FSTL5: variants seen among roughly 807,000 people sequenced by gnomAD.
FSTL5 encodes follistatin like 5.
In FSTL5, 62 loss-of-function variants were observed where a neutral mutation model predicts 89.1. The observed-to-expected ratio is 0.70, with a 90% CI of 0.57 to 0.86. The LOEUF (loss-of-function observed/expected upper bound fraction) is 0.86. Ranked by LOEUF, FSTL5 falls within the 40% of genes least tolerant of loss-of-function variation. The probability of loss-of-function intolerance (pLI) is 0.00; values close to 1 mark genes in which losing one functional copy is unlikely to be tolerated. For missense variants in FSTL5, 1,057 were observed against 1,001.6 expected, an observed-to-expected ratio of 1.06 and a Z score of -0.75; for synonymous variants, 383 against 346.2, an observed-to-expected ratio of 1.11 and a Z score of -1.18.
intron 15 of FSTL5, among the ~76,000 whole-genome samples, chr4:161,418,931 C>T (rs895769566): frequency 6.6e-6 from 1 of 152,208 alleles, no homozygotes; most frequent in African/African-American, 2.4e-5. Flanking sequence ...TGTTTTTAAG[C>T]TCCTTGAGAT....
chr4:161,829,992 T>C (rs543812427), intron 4 of FSTL5, among the ~76,000 whole-genome samples: 1 of 152,176 alleles, frequency 6.6e-6, no homozygotes, highest in South Asian at 2.1e-4. Context: ...TATACTAGAA[T>C]GCAAAGATCC....
At chr4:161,771,352 T>G (rs1349658922) in intron 5 of FSTL5, among the ~76,000 whole-genome samples, 1 of 152,134 alleles carries the variant, frequency 6.6e-6, no homozygotes, top group Non-Finnish European at 1.5e-5. Flanking sequence ...TTGCATGTTC[T>G]AAATAATAAC....
intron 12 of FSTL5, among the ~76,000 whole-genome samples, chr4:161,483,302 G>A (rs748791991): frequency 2.6e-5 from 4 of 152,236 alleles, no homozygotes; most frequent in Non-Finnish European, 5.9e-5. Flanking sequence ...TAAGGTTGGT[G>A]AAAGGCTCTG....
At chr4:161,922,358 A>C (rs1452811541) in intron 3 of FSTL5, among the ~76,000 whole-genome samples, 1 of 152,064 alleles carries the variant, frequency 6.6e-6, no homozygotes, top group Non-Finnish European at 1.5e-5. Flanking sequence ...CTGTATAATA[A>C]ACTCTCATGA....
At chr4:161,822,040 C>G (rs1408912175) in intron 4 of FSTL5, among the ~76,000 whole-genome samples, 1 of 152,136 alleles carries the variant, frequency 6.6e-6, no homozygotes, top group Admixed American at 6.5e-5. Flanking sequence ...TACTAGTTTA[C>G]ATTCCCACCA....
At chr4:161,628,554 G>A (rs531006905) in intron 7 of FSTL5, among the ~76,000 whole-genome samples, 2 of 152,158 alleles carry the variant, frequency 1.3e-5, no homozygotes, top group Non-Finnish European at 2.9e-5. Context: ...ATTAACCAAG[G>A]ATGAATGATA....
rs529050026 is a variant in FSTL5, at chr4:161,897,030, G to A, written c.409+23374C>T. On this transcript the variant is annotated intron_variant, in intron 4 of 15. Coordinates refer to ENST00000306100, the MANE Select transcript of FSTL5 (RefSeq NM_020116.5). ...TCACTGCAACCTCCGCCTCCTGGGC[G>A]GAGAATCAAGTGATTCTCCTGTCTC... Among the ~76,000 whole-genome samples, 58 of 151,910 alleles carry A rather than the reference G, an allele frequency of 3.8e-4. No individual in the cohort carries two copies. In the South Asian group the frequency reaches 0.011, roughly 28 times the overall value.
intron 7 of FSTL5, among the ~76,000 whole-genome samples, chr4:161,627,539 A>C (rs1050760272): frequency 6.6e-6 from 1 of 152,162 alleles, no homozygotes; most frequent in African/African-American, 2.4e-5. Context: ...CCAAACCTTC[A>C]AGATCTCCGA....
chr4:161,526,305 A>G (rs930566099), intron 10 of FSTL5, among the ~76,000 whole-genome samples: 2 of 152,210 alleles, frequency 1.3e-5, no homozygotes, highest in Admixed American at 1.3e-4. Flanking sequence ...ATAAAAGTAG[A>G]AATATTTTAT....
At chr4:161,897,596 A>AG (rs1733207897) in intron 4 of FSTL5, among the ~76,000 whole-genome samples, 1 of 146,866 alleles carries the variant, frequency 6.8e-6, no homozygotes, top group Admixed American at 6.8e-5. Context: ...AAAAAAAAAG[A>AG]AAAAAAATAT....
Position 161,534,899 on chromosome 4 carries a change from A to T in FSTL5, c.1312+3267T>A, listed in dbSNP as rs571996214. On this transcript the variant is annotated intron_variant, in intron 10 of 15. Coordinates refer to ENST00000306100, the MANE Select transcript of FSTL5 (RefSeq NM_020116.5). ...CACATAGAGCAATGGAATGAAACAGACACCCCAGAAATAAACTCATACACT... is the reference window on the plus strand; with the variant it reads ...CACATAGAGCAATGGAATGAAACAGTCACCCCAGAAATAAACTCATACACT... Among the ~76,000 whole-genome samples, 75 of 152,266 alleles carry T rather than the reference A, an allele frequency of 4.9e-4. 2 individuals carry two copies. The South Asian group carries it at 0.015, about 31-fold the overall frequency.
At chr4:161,470,603 T>G (rs1385609875) in intron 13 of FSTL5, among the ~76,000 whole-genome samples, 1 of 150,222 alleles carries the variant, frequency 6.7e-6, no homozygotes, top group Non-Finnish European at 1.5e-5. Context: ...AATTTTAAGA[T>G]GAGCTTCTCT....
At chr4:161,649,029 T>C (rs564243724) in intron 7 of FSTL5, among the ~76,000 whole-genome samples, 1 of 152,250 alleles carries the variant, frequency 6.6e-6, no homozygotes, top group South Asian at 2.1e-4. Flanking sequence ...ACAGGTAAAA[T>C]ATAGCTACTA....
intron 3 of FSTL5, among the ~76,000 whole-genome samples, chr4:161,967,572 G>T (rs187552243): frequency 6.8e-4 from 104 of 151,928 alleles, no homozygotes; most frequent in African/African-American, 2.5e-3. Flanking sequence ...TTTGTAAGTT[G>T]TTGATTTGTT....
intron 8 of FSTL5, among the ~76,000 whole-genome samples, chr4:161,569,986 G>A (rs1006528993): frequency 2.0e-5 from 3 of 152,128 alleles, no homozygotes; most frequent in African/African-American, 7.2e-5. Context: ...AGAACCAGGA[G>A]CTAATGAGAA....
chr4:161,644,122 G>C (rs1043642066), intron 7 of FSTL5, among the ~76,000 whole-genome samples: 9 of 152,076 alleles, frequency 5.9e-5, no homozygotes, highest in African/African-American at 2.2e-4. Flanking sequence ...AAAAGAGTAA[G>C]TTCAGGCACA....
intron 13 of FSTL5, among the ~76,000 whole-genome samples, 154 bp from the exon 14 acceptor site, chr4:161,459,473 ATCATACTT>A (rs1733484904): frequency 2.0e-5 from 3 of 152,180 alleles, no homozygotes; most frequent in African/African-American, 7.2e-5. Flanking sequence ...ATTTGAAAAT[ATCATACTT>A]TACTCATGTA....
chr4:161,514,223 T>G (rs1429304122), intron 10 of FSTL5, among the ~76,000 whole-genome samples: 1 of 150,550 alleles, frequency 6.6e-6, no homozygotes, highest in Admixed American at 6.6e-5. Context: ...ATAAATAAAG[T>G]ATTACACACA....
intron 6 of FSTL5, among the ~76,000 whole-genome samples, chr4:161,755,738 T>C (rs1242618458): frequency 6.6e-6 from 1 of 152,116 alleles, no homozygotes; most frequent in African/African-American, 2.4e-5. Context: ...CCTATCTTTG[T>C]AAGTAGCTTT....
Sources: gnomAD v4.1 joint callset for allele counts (sites outside exome capture counted in the v4.1 genomes callset) on GRCh38, gnomAD v4.1.1 for gene constraint, MANE v1.5 for transcripts, NCBI Gene and HGNC (gene_info 2026-07-23, HGNC 2026-07-21) for gene names.